The following LCLAT1 variants were observed in gnomAD, a reference collection of about 807,000 sequenced individuals.
LCLAT1 encodes the protein lysocardiolipin acyltransferase 1.
In LCLAT1, 11 loss-of-function variants were observed where a neutral mutation model predicts 30.7. That is an observed-to-expected ratio of 0.36 (90% CI 0.23 to 0.59). The LOEUF (loss-of-function observed/expected upper bound fraction) is 0.59. Among genes scored for constraint, LCLAT1 ranks in the 20% least tolerant of loss-of-function variants. LCLAT1 has a pLI of 0.77. For synonymous variants in LCLAT1, 155 were observed against 151.3 expected (o/e 1.02, Z -0.18); for missense variants, 402 against 458.6 (o/e 0.88, Z 1.13).
At chr2:30,478,186 T>G (rs995978750) in intron 1 of LCLAT1, among the ~76,000 whole-genome samples, 1 of 152,162 alleles carries the variant, frequency 6.6e-6, no homozygotes, top group Non-Finnish European at 1.5e-5. Flanking sequence ...TATAAATCAT[T>G]ATTTGAAGTT....
intron 1 of LCLAT1, among the ~76,000 whole-genome samples, chr2:30,507,104 A>G (rs1236853693): frequency 1.3e-5 from 2 of 152,148 alleles, no homozygotes; most frequent in Admixed American, 6.5e-5. Context: ...TATATATGCA[A>G]TAATTGACGT....
chr2:30,489,357 C>CT (rs11322850), intron 1 of LCLAT1: 12 of 146,422 alleles, frequency 8.2e-5, no homozygotes, highest in East Asian at 6.1e-4. Flanking sequence ...TTCTTTCTTT[C>CT]TTTTTTTTTT....
chr2:30,636,470 T>A (rs970587867), intron 5 of LCLAT1, among the ~76,000 whole-genome samples: 2 of 152,112 alleles, frequency 1.3e-5, no homozygotes, highest in African/African-American at 4.8e-5. Flanking sequence ...TTTATAGATA[T>A]AGGAACTAAG....
chr2:30,543,979 A>G (rs966293669), intron 3 of LCLAT1, among the ~76,000 whole-genome samples: 2 of 152,222 alleles, frequency 1.3e-5, no homozygotes, highest in Non-Finnish European at 2.9e-5. Context: ...TTCTTAACAT[A>G]GAAGCTTAAG....
At chr2:30,515,625 G>T (rs1276191952) in intron 1 of LCLAT1, among the ~76,000 whole-genome samples, 1 of 152,148 alleles carries the variant, frequency 6.6e-6, no homozygotes, top group East Asian at 1.9e-4. Flanking sequence ...AGTTTTTCAG[G>T]ATTATCTACA....
intron 1 of LCLAT1, chr2:30,476,540 T>C: frequency 2.2e-6 from 1 of 455,938 alleles, no homozygotes; most frequent in Non-Finnish European, 4.4e-6. Flanking sequence ...GAGAATCTAA[T>C]GCCTGATGAT....
At chr2:30,625,435 C>G (rs1175973373) in intron 5 of LCLAT1, among the ~76,000 whole-genome samples, 1 of 152,104 alleles carries the variant, frequency 6.6e-6, no homozygotes, top group Non-Finnish European at 1.5e-5. Context: ...GACAAAACTG[C>G]TATCTGTAAC....
At chr2:30,449,849 T>G (rs1165739034) in intron 1 of LCLAT1, among the ~76,000 whole-genome samples, 1 of 152,232 alleles carries the variant, frequency 6.6e-6, no homozygotes, top group African/African-American at 2.4e-5. Flanking sequence ...TTGGGATTTT[T>G]GTTTTTATTA....
At chr2:30,468,300 T>TCC (rs1491374336) in intron 1 of LCLAT1, among the ~76,000 whole-genome samples, 9 of 152,198 alleles carry the variant, frequency 5.9e-5, no homozygotes, top group Non-Finnish European at 1.2e-4. Flanking sequence ...GTTCCATTGG[T>TCC]CTCTCTCTCT....
At chr2:30,554,488 C>T (rs950429457) in intron 3 of LCLAT1, among the ~76,000 whole-genome samples, 7 of 152,288 alleles carry the variant, frequency 4.6e-5, no homozygotes, top group African/African-American at 1.7e-4. Context: ...TGTCAGACTG[C>T]CTGTGTTTAA....
At chr2:30,528,425 A>G (rs367877906) in intron 2 of LCLAT1, among the ~76,000 whole-genome samples, 2 of 152,230 alleles carry the variant, frequency 1.3e-5, no homozygotes, top group African/African-American at 4.8e-5. Context: ...GTAAGGGAAG[A>G]GTGGGCAGAG....
At chr2:30,498,412 A>G (rs1684218179) in intron 1 of LCLAT1, among the ~76,000 whole-genome samples, 1 of 152,252 alleles carries the variant, frequency 6.6e-6, no homozygotes, top group African/African-American at 2.4e-5. Flanking sequence ...AAAAGTAGAC[A>G]TATGTCAAAT....
chr2:30,481,792 A>G (rs567185240), intron 1 of LCLAT1, among the ~76,000 whole-genome samples: 77 of 152,198 alleles, frequency 5.1e-4, no homozygotes, highest in Non-Finnish European at 9.4e-4. Flanking sequence ...TCTCTGGGCA[A>G]TCAGTTTAGA....
chr2:30,543,915 T>C (rs1664271934), intron 3 of LCLAT1, among the ~76,000 whole-genome samples: 1 of 152,144 alleles, frequency 6.6e-6, no homozygotes. Context: ...TCTTTATTAT[T>C]TCCTAACTTT....
chr2:30,615,983 A>G (rs1869422), intron 5 of LCLAT1, among the ~76,000 whole-genome samples: 14,069 of 152,210 alleles, frequency 0.092, 684 homozygotes, highest in East Asian at 0.11. Context: ...AAATGGGTAG[A>G]GGGCACTAGA....
intron 5 of LCLAT1, among the ~76,000 whole-genome samples, chr2:30,625,155 C>T (rs1375203344): frequency 2.6e-5 from 4 of 152,134 alleles, no homozygotes; most frequent in South Asian, 2.1e-4. Flanking sequence ...TGAAAGAGCA[C>T]AGACAATCTA....
At chr2:30,595,885 G>A (rs1456215295) in intron 5 of LCLAT1, among the ~76,000 whole-genome samples, 1 of 152,108 alleles carries the variant, frequency 6.6e-6, no homozygotes, top group Non-Finnish European at 1.5e-5. Flanking sequence ...TTACAAGTGA[G>A]AACATGTAGT....
In LCLAT1 at chr2:30,640,732, A is replaced by G. The variant is rs1669262443; in HGVS notation, c.*113A>G. On this transcript the variant is annotated 3_prime_UTR_variant, in exon 6 of 6. Transcript: ENST00000379509. Reference sequence around the variant, plus strand: ...ATGTCGAATATTTCTTACTGCCATCATTATTTGTTAAAGATATTTTGCACT... The same window carrying G: ...ATGTCGAATATTTCTTACTGCCATCGTTATTTGTTAAAGATATTTTGCACT... 3.2e-6 allele frequency: 4 copies of G among 1,260,854 alleles called. No homozygotes were observed. The highest frequency in any genetic ancestry group is 3.1e-5 in the South Asian group (2 of 64,278). 78.1% of individuals were successfully genotyped at this position (1,260,854 alleles called of 1,614,324 possible). A position where few individuals can be genotyped will look rare whatever the true frequency, so the allele number is the denominator to read the frequency against.
chr2:30,557,306 G>T (rs1256587355), intron 3 of LCLAT1, among the ~76,000 whole-genome samples: 1 of 151,490 alleles, frequency 6.6e-6, no homozygotes, highest in Non-Finnish European at 1.5e-5. Flanking sequence ...GTGTGTGTGT[G>T]TGTGTGTGTG....
Sources: gnomAD v4.1 joint callset for allele counts (sites outside exome capture counted in the v4.1 genomes callset) on GRCh38, gnomAD v4.1.1 for gene constraint, MANE v1.5 for transcripts, NCBI Gene and HGNC (gene_info 2026-07-23, HGNC 2026-07-21) for gene names.